The following PDE4D variants were observed in gnomAD, a reference collection of about 807,000 sequenced individuals.
PDE4D encodes phosphodiesterase 4D.
Under a neutral mutation model 87.4 loss-of-function variants are expected in PDE4D, and 24 were observed. The ratio of observed to expected loss-of-function variants is 0.27; its 90% CI spans 0.20 to 0.39. The LOEUF is 0.39. Ranked by LOEUF, PDE4D falls within the 10% of genes least tolerant of loss-of-function variation. PDE4D has a pLI of 1.00. For synonymous variants in PDE4D, 384 were observed against 383.2 expected, an observed-to-expected ratio of 1.00 and a Z score of -0.02; for missense variants, 714 against 1,041.0, an observed-to-expected ratio of 0.69 and a Z score of 4.32.
chr5:59,248,152 A>G (rs1759252034), intron 1 of PDE4D, among the ~76,000 whole-genome samples: 1 of 148,630 alleles, frequency 6.7e-6, no homozygotes, highest in Non-Finnish European at 1.5e-5. Context: ...TCTATTTTAC[A>G]AAATACAAGA....
chr5:60,210,757 T>TG (rs1467528379), intron 1 of PDE4D, among the ~76,000 whole-genome samples: 1 of 151,832 alleles, frequency 6.6e-6, no homozygotes, highest in Admixed American at 6.6e-5. Flanking sequence ...TTTCCTAATT[T>TG]TTTTTTTTTT....
chr5:59,098,244 T>C (rs1770095022), intron 5 of PDE4D, among the ~76,000 whole-genome samples: 1 of 152,160 alleles, frequency 6.6e-6, no homozygotes, highest in South Asian at 2.1e-4. Context: ...ACTAAGAAGT[T>C]CCCAAGCTAG....
At chr5:60,294,685 T>C (rs1293757705) in intron 1 of PDE4D, among the ~76,000 whole-genome samples, 1 of 152,170 alleles carries the variant, frequency 6.6e-6, no homozygotes, top group Non-Finnish European at 1.5e-5. Context: ...TGTGTGTCTA[T>C]TTCTGGACTC....
chr5:59,523,112 C>T (rs1036709911), intron 1 of PDE4D, among the ~76,000 whole-genome samples: 1 of 151,832 alleles, frequency 6.6e-6, no homozygotes, highest in African/African-American at 2.4e-5. Flanking sequence ...TCTTCTGCTT[C>T]TCTCTCTCAT....
chr5:59,728,313 T>A (rs1001102577), intron 1 of PDE4D, among the ~76,000 whole-genome samples: 10 of 152,242 alleles, frequency 6.6e-5, no homozygotes, highest in African/African-American at 2.2e-4. Context: ...ACTTATACAA[T>A]GTTAACTTTC....
chr5:59,292,937 A>T (rs1419600240), intron 1 of PDE4D, among the ~76,000 whole-genome samples: 1 of 152,170 alleles, frequency 6.6e-6, no homozygotes, highest in African/African-American at 2.4e-5. Context: ...TAGTACCTTG[A>T]TAATTATGAG....
chr5:60,047,463 G>T (rs1285495378), intron 2 of PDE4D, among the ~76,000 whole-genome samples: 1 of 152,208 alleles, frequency 6.6e-6, no homozygotes, highest in African/African-American at 2.4e-5. Context: ...TGATGTTAGG[G>T]TGTCCATTTT....
chr5:59,337,323 TC>T (rs765153967), intron 1 of PDE4D, among the ~76,000 whole-genome samples: 1,316 of 122,340 alleles, frequency 0.011, 15 homozygotes, highest in African/African-American at 0.029. Context: ...ATTCATAAGT[TC>T]CCCCCCCCCC....
intron 1 of PDE4D, among the ~76,000 whole-genome samples, chr5:59,425,975 A>G (rs1228785910): frequency 1.3e-5 from 2 of 152,216 alleles, no homozygotes; most frequent in Non-Finnish European, 2.9e-5. Flanking sequence ...AGGACCACTA[A>G]AGAGGAGATT....
intron 1 of PDE4D, among the ~76,000 whole-genome samples, chr5:60,288,752 CAT>C (rs1372541122): frequency 6.6e-6 from 1 of 152,152 alleles, no homozygotes; most frequent in Non-Finnish European, 1.5e-5. Context: ...CTCTAAAAGA[CAT>C]AAAGCATTTT....
At chr5:59,848,504 A>C (rs557087441) in intron 1 of PDE4D, among the ~76,000 whole-genome samples, 2 of 152,172 alleles carry the variant, frequency 1.3e-5, no homozygotes, top group Non-Finnish European at 2.9e-5. Flanking sequence ...TGATGTTCAC[A>C]AAAAAATTTT....
At chr5:59,407,165 C>T (rs1025788667) in intron 1 of PDE4D, among the ~76,000 whole-genome samples, 3 of 152,064 alleles carry the variant, frequency 2.0e-5, no homozygotes, top group Non-Finnish European at 4.4e-5. Context: ...GGAGTGGTTC[C>T]CTTATAGCTT....
intron 2 of PDE4D, among the ~76,000 whole-genome samples, chr5:60,099,605 G>A (rs981529182): frequency 8.6e-5 from 13 of 151,662 alleles, no homozygotes; most frequent in Admixed American, 4.6e-4. Flanking sequence ...ACGGTTTACC[G>A]AGAAAGAAAA....
chr5:60,146,494 C>T (rs1433593989), intron 2 of PDE4D, among the ~76,000 whole-genome samples: 2 of 152,130 alleles, frequency 1.3e-5, no homozygotes, highest in Non-Finnish European at 2.9e-5. Flanking sequence ...AAAGAATGTC[C>T]TCATTGACCC....
intron 1 of PDE4D, among the ~76,000 whole-genome samples, chr5:59,283,013 T>C (rs1561877364): frequency 6.6e-6 from 1 of 152,112 alleles, no homozygotes; most frequent in African/African-American, 2.4e-5. Flanking sequence ...CAAATCCAAA[T>C]TCCACCAATC....
intron 1 of PDE4D, among the ~76,000 whole-genome samples, chr5:59,800,737 T>C (rs529833933): frequency 6.6e-6 from 1 of 152,090 alleles, no homozygotes; most frequent in Non-Finnish European, 1.5e-5. Flanking sequence ...GGTGCCTTTG[T>C]TCCACACACT....
chr5:59,519,896 A>G (rs1365256642), intron 1 of PDE4D, among the ~76,000 whole-genome samples: 1 of 133,872 alleles, frequency 7.5e-6, no homozygotes, highest in Non-Finnish European at 1.6e-5. Context: ...AAGTGTATCC[A>G]CCACCCCCCA....
chr5:60,481,394 T>G (rs114133887), intron 1 of PDE4D, among the ~76,000 whole-genome samples: 1 of 152,254 alleles, frequency 6.6e-6, no homozygotes, highest in African/African-American at 2.4e-5. Flanking sequence ...ATACTTTTGT[T>G]GATCCCTAGA....
At chr5:59,501,617 A>G (rs1312639892) in intron 1 of PDE4D, among the ~76,000 whole-genome samples, 1 of 152,160 alleles carries the variant, frequency 6.6e-6, no homozygotes, top group Non-Finnish European at 1.5e-5. Context: ...AGACAGAAAA[A>G]ACCCAGCAGT....
Sources: gnomAD v4.1 joint callset for allele counts (sites outside exome capture counted in the v4.1 genomes callset) on GRCh38, gnomAD v4.1.1 for gene constraint, MANE v1.5 for transcripts, NCBI Gene and HGNC (gene_info 2026-07-23, HGNC 2026-07-21) for gene names.